The following BARD1 variants were observed in gnomAD, a reference collection of about 807,000 sequenced individuals.
BARD1 encodes BRCA1-associated RING domain protein 1.
A neutral mutation model predicts 77.0 loss-of-function variants in BARD1; 73 were observed. That is an observed-to-expected ratio of 0.95 (90% CI 0.79 to 1.15). The LOEUF is 1.15. BARD1 is among the 50% of genes most tolerant of loss of function. The probability of loss-of-function intolerance (pLI) is 0.00; values close to 1 mark genes in which losing one functional copy is unlikely to be tolerated. For synonymous variants in BARD1, 384 were observed against 338.0 expected (o/e 1.14, Z -1.49); for missense variants, 993 against 938.8 (o/e 1.06, Z -0.75).
intron 4 of BARD1, among the ~76,000 whole-genome samples, chr2:214,770,180 T>C (rs989807438): frequency 2.0e-5 from 3 of 152,210 alleles, no homozygotes; most frequent in Admixed American, 6.5e-5. Context: ...TACAAACCTA[T>C]TCAAATCAGC....
At chr2:214,775,376 T>C (rs1259782275) in intron 4 of BARD1, among the ~76,000 whole-genome samples, 2 of 152,084 alleles carry the variant, frequency 1.3e-5, no homozygotes, top group African/African-American at 4.8e-5. Context: ...GGGAGAGAGA[T>C]GGGAGAATTA....
intron 5 of BARD1, 107 bp downstream of exon 5, chr2:214,769,125 C>CTTT: frequency 5.5e-6 from 5 of 913,320 alleles, no homozygotes; most frequent in Non-Finnish European, 8.7e-6. Flanking sequence ...GTTCTTCAGA[C>CTTT]TAAAAAGAGT....
chr2:214,738,634 A>G (rs372690730), intron 9 of BARD1, among the ~76,000 whole-genome samples: 37 of 152,186 alleles, frequency 2.4e-4, no homozygotes, highest in African/African-American at 8.7e-4. Flanking sequence ...ATAAAAAAAG[A>G]TAACACAAAT....
intron 3 of BARD1, among the ~76,000 whole-genome samples, chr2:214,789,938 C>A (rs1695440557): frequency 6.6e-6 from 1 of 152,078 alleles, no homozygotes; most frequent in African/African-American, 2.4e-5. Flanking sequence ...GGAAATTAAT[C>A]AGTAGAATTA....
intron 4 of BARD1, among the ~76,000 whole-genome samples, chr2:214,779,760 C>T (rs116809481): frequency 0.015 from 2,238 of 152,280 alleles, 12 homozygotes; most frequent in Middle Eastern, 0.031. Context: ...GAATTGACTA[C>T]GTACAGTCGC....
chr2:214,802,486 G>A lies in BARD1; in HGVS notation c.159-5369C>T, dbSNP rs1003852757. On this transcript the variant is annotated intron_variant, in intron 1 of 10. Coordinates refer to ENST00000260947, the MANE Select transcript of BARD1 (RefSeq NM_000465.4). Reference sequence around the variant, plus strand: ...AGACATAACCCCATCTCAAGTTCAGGAGCATCTGTATTTTAACTTCCTGAT... The same window carrying A: ...AGACATAACCCCATCTCAAGTTCAGAAGCATCTGTATTTTAACTTCCTGAT... 2.0e-5 allele frequency among the ~76,000 whole-genome samples: 3 copies of A among 152,078 alleles called. No individual in the cohort carries two copies. The South Asian group carries it at 6.2e-4, about 32-fold the overall frequency.
At chr2:214,745,931 A>T (rs1559387451) in intron 7 of BARD1, 77 bp from the exon 8 acceptor site, 2 of 1,514,984 alleles carry the variant, frequency 1.3e-6, no homozygotes, top group Non-Finnish European at 1.8e-6. Context: ...CTGTTACTTG[A>T]TATAAGCTTG....
At chr2:214,767,095 G>A (rs1339514336) in intron 6 of BARD1, among the ~76,000 whole-genome samples, 3 of 152,074 alleles carry the variant, frequency 2.0e-5, no homozygotes, top group Non-Finnish European at 4.4e-5. Context: ...CTGTTCATGC[G>A]TTAGTTTACT....
Position 214,728,711 on chromosome 2 carries a change from C to A in BARD1, c.2299G>T (p.Val767Leu), listed in dbSNP as rs1434753563. 7 of 1,614,212 alleles carry A rather than the reference C, an allele frequency of 4.3e-6. No individual in the cohort carries two copies. Among genetic ancestry groups the A allele is most frequent in the Non-Finnish European group, 5.9e-6 (7 of 1,180,022 alleles). Residue 767 changes from valine (V) to leucine (L), a missense_variant, in exon 11 of 11, where the codon GTG (valine) becomes TTG (leucine). Physicochemically the swap from Val to Leu is conservative, Grantham distance 32. Coordinates refer to ENST00000260947, the MANE Select transcript of BARD1 (RefSeq NM_000465.4). ...KAPSSWFIDC[V>L]MSFELLPLDS ...AGAGGAAGCAACTCAAAGGACATCA[C>A]ACAGTCTATAAACCAGCTCGAAGGA... is the stretch of plus-strand genomic sequence containing the variant.
intron 6 of BARD1, among the ~76,000 whole-genome samples, chr2:214,756,878 G>A (rs1288873061): frequency 6.6e-6 from 1 of 152,144 alleles, no homozygotes; most frequent in African/African-American, 2.4e-5. Flanking sequence ...TGGGTTCAGT[G>A]TGTACTGCTC....
intron 6 of BARD1, among the ~76,000 whole-genome samples, chr2:214,756,691 G>C (rs1157690745): frequency 6.6e-6 from 1 of 152,166 alleles, no homozygotes; most frequent in African/African-American, 2.4e-5. Flanking sequence ...ACCTGGATGG[G>C]ACTGGAGACT....
rs113789798 is a variant in BARD1, at chr2:214,728,537, C to CT, written c.*138dup. On this transcript the variant is annotated 3_prime_UTR_variant, in exon 11 of 11. Transcript: ENST00000260947. The stretch of plus-strand genomic sequence containing the variant: ...CATGAATTCCTAATCTGGCATTAGA[C>CT]TTTTTTTTTTTTTTTGATTCAAAGA... The CT allele has an allele frequency of 0.37, 215,228 of 579,830 alleles. 12,307 individuals are homozygous for CT. Among genetic ancestry groups the CT allele is most frequent in the East Asian group, 0.47 (15,079 of 31,876 alleles). 35.9% of individuals were successfully genotyped at this position (579,830 alleles called of 1,614,324 possible).
At position 214,740,700 on chromosome 2, in the gene BARD1, T is replaced by C. The variant is rs190146480; in HGVS notation, c.1903+4367A>G. 1.4e-3 allele frequency among the ~76,000 whole-genome samples: 207 copies of C among 152,236 alleles called. 1 individual carries two copies. Among genetic ancestry groups the C allele is most frequent in the Non-Finnish European group, 1.5e-3 (103 of 67,942 alleles). On this transcript the variant is annotated intron_variant, in intron 9 of 10. Transcript: ENST00000260947. ...TTCAGAATTTTCCTAATCTTTCATA[T>C]GTAGGTTATATTCTCTACTTCTTGC...
chr2:214,806,113 G>A lies in BARD1; in HGVS notation c.158+3299C>T, dbSNP rs142776370. Among the ~76,000 whole-genome samples, 2,127 of 152,200 alleles carry A rather than the reference G, an allele frequency of 0.014. 20 individuals carry two copies. Among genetic ancestry groups the A allele is most frequent in the Non-Finnish European group, 0.022 (1,499 of 68,006 alleles). On this transcript the variant is annotated intron_variant, in intron 1 of 10. Transcript: ENST00000260947. ...GGTCCTAATATAAATGTCACATCTG[G>A]CCTCTTGAACACTTTCATCGGCTTC...
At chr2:214,798,213 G>C (rs1344355199) in intron 1 of BARD1, among the ~76,000 whole-genome samples, 2 of 150,730 alleles carry the variant, frequency 1.3e-5, no homozygotes, top group Non-Finnish European at 3.0e-5. Context: ...CAGAAAGATT[G>C]CGAAAAACAG....
At position 214,745,726 on chromosome 2, in the gene BARD1, AC is replaced by A; in HGVS notation, c.1805del (p.Ser602IlefsTer3). On this transcript the variant is annotated frameshift_variant, in exon 8 of 11. Coordinates refer to ENST00000260947, the MANE Select transcript of BARD1 (RefSeq NM_000465.4). LOFTEE classifies it high-confidence loss of function. ...LKAKKYTEFD[S>X]TVTHVVVPGD... ...CCCAAAATTCAAAATCCTCACCTGT[AC>A]TGTCAAACTCAGTATATTTTTTAGC... 6.2e-7 allele frequency: 1 copy of A among 1,614,056 alleles called. No individual in the cohort carries two copies. Among genetic ancestry groups the A allele is most frequent in the East Asian group, 2.2e-5 (1 of 44,848 alleles).
chr2:214,771,960 T>C (rs6731996), intron 4 of BARD1, among the ~76,000 whole-genome samples: 12,151 of 146,428 alleles, frequency 0.083, 639 homozygotes, highest in African/African-American at 0.13. Context: ...TTTTCCCAGA[T>C]TTCTTAACAG....
chr2:214,770,234 C>T (rs1452120317), intron 4 of BARD1, among the ~76,000 whole-genome samples: 1 of 152,228 alleles, frequency 6.6e-6, no homozygotes, highest in African/African-American at 2.4e-5. Flanking sequence ...GCTCCCCGCC[C>T]AGTTCAAGAC....
At chr2:214,784,615 T>C (rs1398092710) in intron 3 of BARD1, among the ~76,000 whole-genome samples, 2 of 152,120 alleles carry the variant, frequency 1.3e-5, no homozygotes, top group African/African-American at 4.8e-5. Context: ...TAGCAAAGAC[T>C]TGGAACCAAC....
Sources: allele counts gnomAD v4.1 joint callset (sites outside exome capture counted in the v4.1 genomes callset), GRCh38; gene constraint gnomAD v4.1.1; transcripts MANE v1.5; gene names NCBI Gene and HGNC (gene_info 2026-07-23, HGNC 2026-07-21).